The following SYN3 variants were observed in gnomAD, a reference collection of about 807,000 sequenced individuals.
SYN3 encodes the protein synapsin-3.
Under a neutral mutation model 65.8 loss-of-function variants are expected in SYN3, and 35 were observed. The observed-to-expected ratio is 0.53, with a 90% CI of 0.41 to 0.70. The LOEUF is 0.70. SYN3 is among the 30% of genes least tolerant of loss of function. The pLI, the probability that SYN3 is intolerant of heterozygous loss-of-function variation, is 0.00. For synonymous variants in SYN3, 270 were observed against 292.9 expected (o/e 0.92, Z 0.80); for missense variants, 680 against 749.0 (o/e 0.91, Z 1.08).
chr22:32,795,282 T>C (rs376392339), intron 6 of SYN3, among the ~76,000 whole-genome samples: 1 of 152,238 alleles, frequency 6.6e-6, no homozygotes, highest in Non-Finnish European at 1.5e-5. Flanking sequence ...TAACCAATTA[T>C]GTCACTATTG....
At chr22:32,645,698 C>G (rs927112071) in intron 6 of SYN3, among the ~76,000 whole-genome samples, 29 of 152,118 alleles carry the variant, frequency 1.9e-4, no homozygotes, top group African/African-American at 7.0e-4. Flanking sequence ...GGGAAAGGGA[C>G]GTAACTGCTC....
At position 32,763,078 on chromosome 22, in the gene SYN3, A is replaced by G. The variant is rs1354660061; in HGVS notation, c.711+101837T>C. On this transcript the variant is annotated intron_variant, in intron 6 of 13. Coordinates refer to ENST00000358763, the MANE Select transcript of SYN3 (RefSeq NM_003490.4). The stretch of plus-strand genomic sequence containing the variant: ...TTGAATGCTTTGAATGTATGAACTC[A>G]TTTCATCTTTTTTTTAAAGTGTAAC... Among the ~76,000 whole-genome samples the G allele has an allele frequency of 2.0e-5, 3 of 152,242 alleles. No homozygotes were observed. In the East Asian group the frequency reaches 5.8e-4, roughly 29 times the overall value.
At chr22:32,847,101 G>T (rs544850199) in intron 6 of SYN3, among the ~76,000 whole-genome samples, 1 of 152,088 alleles carries the variant, frequency 6.6e-6, no homozygotes, top group Non-Finnish European at 1.5e-5. Flanking sequence ...GCCAAGACTC[G>T]CTCCCTTGTT....
chr22:32,617,282 G>A (rs2059533826), intron 6 of SYN3, among the ~76,000 whole-genome samples: 1 of 152,154 alleles, frequency 6.6e-6, no homozygotes, highest in Non-Finnish European at 1.5e-5. Flanking sequence ...AGTATTTTCA[G>A]ATGAAAGGAC....
chr22:32,672,295 A>G (rs1455102398), intron 6 of SYN3, among the ~76,000 whole-genome samples: 3 of 152,240 alleles, frequency 2.0e-5, no homozygotes, highest in Non-Finnish European at 4.4e-5. Flanking sequence ...TACATGTAAA[A>G]ATAAAATGCA....
In SYN3 at chr22:32,741,245, C is replaced by G. The variant is rs143557148; in HGVS notation, c.711+123670G>C. ...CAGCCACACACAGTAATATTATTATCTTTATTTTACAGACGAGGGAACTGA... is the reference window on the plus strand; with the variant it reads ...CAGCCACACACAGTAATATTATTATGTTTATTTTACAGACGAGGGAACTGA... On this transcript the variant is annotated intron_variant, in intron 6 of 13. Coordinates refer to ENST00000358763, the MANE Select transcript of SYN3 (RefSeq NM_003490.4). Among the ~76,000 whole-genome samples the G allele has an allele frequency of 9.3e-3, 1,401 of 151,180 alleles. 23 individuals carry two copies. The highest frequency in any genetic ancestry group is 0.033 in the African/African-American group (1,350 of 41,300).
chr22:32,820,288 G>GT (rs397831800), intron 6 of SYN3, among the ~76,000 whole-genome samples: 3 of 148,644 alleles, frequency 2.0e-5, no homozygotes, highest in South Asian at 2.2e-4. Flanking sequence ...GTGTGTGTGT[G>GT]GTGTGTGTGG....
intron 6 of SYN3, among the ~76,000 whole-genome samples, chr22:32,627,186 T>G (rs2146790459): frequency 6.8e-6 from 1 of 146,286 alleles, no homozygotes; most frequent in East Asian, 2.2e-4. Context: ...GCGGCAGGGC[T>G]GGGCATCCGA....
intron 2 of SYN3, among the ~76,000 whole-genome samples, chr22:33,003,363 T>C (rs2145783582): frequency 6.6e-6 from 1 of 152,270 alleles, no homozygotes; most frequent in East Asian, 1.9e-4. Context: ...CTTGGAGGGC[T>C]CAGAAGACAA....
chr22:32,981,400 A>G (rs2052369502), intron 2 of SYN3, among the ~76,000 whole-genome samples: 1 of 151,612 alleles, frequency 6.6e-6, no homozygotes, highest in African/African-American at 2.4e-5. Flanking sequence ...AGTCTGACCA[A>G]CATGGAGAAA....
At chr22:32,669,732 G>A (rs2060335749) in intron 6 of SYN3, among the ~76,000 whole-genome samples, 1 of 152,194 alleles carries the variant, frequency 6.6e-6, no homozygotes, top group Non-Finnish European at 1.5e-5. Flanking sequence ...CAAATTAGTT[G>A]TGACCATATG....
intron 6 of SYN3, among the ~76,000 whole-genome samples, chr22:32,653,265 G>GA (rs67258911): frequency 0.013 from 1,780 of 133,714 alleles, 27 homozygotes; most frequent in Middle Eastern, 0.042. Context: ...TTCCTTAAAA[G>GA]AAAAAAAAAA....
chr22:32,837,106 T>C lies in SYN3; in HGVS notation c.711+27809A>G, dbSNP rs1000158176. Among the ~76,000 whole-genome samples the C allele has an allele frequency of 2.0e-5, 3 of 152,178 alleles. No individual in the cohort carries two copies. The highest frequency in any genetic ancestry group is 4.4e-5 in the Non-Finnish European group (3 of 68,032). On this transcript the variant is annotated intron_variant, in intron 6 of 13. Transcript: ENST00000358763. This position sits in a 1 kb window ranked among gnomAD's most constrained non-coding sequence, Gnocchi z 4.1. Reference sequence around the variant, plus strand: ...CAATTAGGAGAAAAATAAAATGCTATAGATGGCTCCTGAGATGTTGCCAGC... The same window carrying C: ...CAATTAGGAGAAAAATAAAATGCTACAGATGGCTCCTGAGATGTTGCCAGC...
chr22:32,686,590 ATTTTTT>A (rs149862418), intron 6 of SYN3, among the ~76,000 whole-genome samples: 2 of 72,338 alleles, frequency 2.8e-5, no homozygotes, highest in Non-Finnish European at 4.8e-5. Context: ...CTGCTCCTCC[ATTTTTT>A]TTTTTTTTTT....
chr22:32,956,399 C>T (rs1157867661), intron 3 of SYN3, among the ~76,000 whole-genome samples: 1 of 152,088 alleles, frequency 6.6e-6, no homozygotes, highest in African/African-American at 2.4e-5. Flanking sequence ...AAATAATCCA[C>T]CTGCCTCAGC....
rs553257477 is a variant in SYN3 at position 32,881,338 on chromosome 22, A to G, written c.462-12213T>C. Among the ~76,000 whole-genome samples the G allele has an allele frequency of 3.9e-5, 6 of 152,304 alleles. No individual in the cohort carries two copies. In the East Asian group the frequency reaches 1.2e-3, roughly 29 times the overall value. ...CCAGGCCAGGCGCTAATATGTACTT[A>G]TACCCAAGGCCTTCCCCACACATAT... On this transcript the variant is annotated intron_variant, in intron 4 of 13. Transcript: ENST00000358763.
chr22:32,880,183 A>G (rs2049091104), intron 4 of SYN3, among the ~76,000 whole-genome samples: 1 of 152,232 alleles, frequency 6.6e-6, no homozygotes, highest in Non-Finnish European at 1.5e-5. Flanking sequence ...GCTGAGTGCC[A>G]GATGCTTGCA....
chr22:32,800,034 A>C (rs1299036090), intron 6 of SYN3, among the ~76,000 whole-genome samples: 1 of 152,204 alleles, frequency 6.6e-6, no homozygotes, highest in Non-Finnish European at 1.5e-5. Flanking sequence ...AAAGATGTGG[A>C]AACTGGTTTC....
At chr22:32,927,062 C>T (rs1232988882) in intron 4 of SYN3, among the ~76,000 whole-genome samples, 4 of 152,052 alleles carry the variant, frequency 2.6e-5, no homozygotes, top group Non-Finnish European at 5.9e-5. Context: ...TGAAGTCACT[C>T]AGTAGGCTCA....
Sources: gnomAD v4.1 joint callset for allele counts (sites outside exome capture counted in the v4.1 genomes callset) on GRCh38, gnomAD v4.1.1 for gene constraint, Gnocchi (gnomAD v3.1) non-coding constraint, MANE v1.5 for transcripts, NCBI Gene and HGNC (gene_info 2026-07-23, HGNC 2026-07-21) for gene names.